Variants in TRAPPC9 observed in about 807,000 individuals in gnomAD.
TRAPPC9 encodes the protein IKK2 binding protein.
A neutral mutation model predicts 124.0 loss-of-function variants in TRAPPC9; 83 were observed. The observed-to-expected ratio is 0.67, with a 90% CI of 0.56 to 0.80. TRAPPC9 has a LOEUF of 0.80. TRAPPC9 is among the 30% of genes least tolerant of loss of function. The pLI is 0.00. For synonymous variants in TRAPPC9, 638 were observed against 617.5 expected (o/e 1.03, Z -0.49); for missense variants, 1,302 against 1,508.3 (o/e 0.86, Z 2.27).
chr8:140,060,104 T>C (rs535957698), intron 17 of TRAPPC9, among the ~76,000 whole-genome samples: 4 of 152,208 alleles, frequency 2.6e-5, no homozygotes, highest in Non-Finnish European at 5.9e-5. Context: ...GGTCTCCTTT[T>C]GATTGGCAGT....
At chr8:139,836,225 T>A (rs1826338824) in intron 21 of TRAPPC9, among the ~76,000 whole-genome samples, 1 of 152,258 alleles carries the variant, frequency 6.6e-6, no homozygotes, top group Non-Finnish European at 1.5e-5. Flanking sequence ...GCCAAGCTGG[T>A]CTCGAATTCC....
At chr8:139,845,174 TG>T (rs1470437296) in intron 21 of TRAPPC9, among the ~76,000 whole-genome samples, 1 of 152,218 alleles carries the variant, frequency 6.6e-6, no homozygotes, top group East Asian at 1.9e-4. Flanking sequence ...ACTGGTTATA[TG>T]GTTGTATGAC....
At chr8:139,864,304 T>C (rs1007511006) in intron 21 of TRAPPC9, among the ~76,000 whole-genome samples, 2 of 152,124 alleles carry the variant, frequency 1.3e-5, no homozygotes, top group African/African-American at 4.8e-5. Context: ...TCCTTCAATG[T>C]GAGGGTTTGG....
chr8:140,248,803 GAAGA>G (rs2064049167), intron 16 of TRAPPC9, among the ~76,000 whole-genome samples: 1 of 152,176 alleles, frequency 6.6e-6, no homozygotes. Flanking sequence ...GTTATATGAA[GAAGA>G]TAGATATCTG....
At chr8:139,923,836 T>G (rs1466985851) in intron 19 of TRAPPC9, among the ~76,000 whole-genome samples, 1 of 152,224 alleles carries the variant, frequency 6.6e-6, no homozygotes, top group Non-Finnish European at 1.5e-5. Flanking sequence ...GCCCCCATTT[T>G]GTTAACAAAA....
intron 15 of TRAPPC9, among the ~76,000 whole-genome samples, chr8:140,267,182 A>G (rs1376654201): frequency 6.6e-6 from 1 of 152,204 alleles, no homozygotes; most frequent in Non-Finnish European, 1.5e-5. Flanking sequence ...CAGAGACTAG[A>G]GGGGGCCCCT....
intron 19 of TRAPPC9, chr8:139,932,750 T>C (rs1833268651): frequency 2.9e-6 from 1 of 349,320 alleles, no homozygotes; most frequent in African/African-American, 2.2e-5. Flanking sequence ...GGCAACAGAA[T>C]GAGACTGTGT....
intron 20 of TRAPPC9, among the ~76,000 whole-genome samples, chr8:139,897,391 T>C (rs1048304165): frequency 2.0e-5 from 3 of 152,216 alleles, no homozygotes; most frequent in Non-Finnish European, 4.4e-5. Context: ...CCCAACTGCT[T>C]AGCTTCTTGG....
intron 16 of TRAPPC9, among the ~76,000 whole-genome samples, chr8:140,221,786 C>T (rs993982907): frequency 6.6e-6 from 1 of 152,116 alleles, no homozygotes; most frequent in South Asian, 2.1e-4. Flanking sequence ...TAAAGGCGTG[C>T]GCCACCACAC....
chr8:140,391,814 G>A (rs1285209284), intron 7 of TRAPPC9, among the ~76,000 whole-genome samples: 1 of 151,870 alleles, frequency 6.6e-6, no homozygotes, highest in East Asian at 1.9e-4. Context: ...ATCACCTGAG[G>A]TCAGGAGTTT....
chr8:139,988,594 C>T (rs545284577), intron 19 of TRAPPC9, 132 bp downstream of exon 19: 35 of 688,030 alleles, frequency 5.1e-5, no homozygotes, highest in East Asian at 3.0e-4. Flanking sequence ...ATAGTCACTA[C>T]GGTATCTCTG....
rs560478917 is a variant in TRAPPC9 at position 140,351,237 on chromosome 8, C to G, written c.1495+8813G>C. On this transcript the variant is annotated intron_variant, in intron 9 of 22. Coordinates refer to ENST00000438773, the MANE Select transcript of TRAPPC9 (RefSeq NM_001160372.4). ...TTCTCCCCGCACCCCTCCAGCCCCCCACGCTGCCTGCCCCTAGAGACAAAG... is the reference window on the plus strand; with the variant it reads ...TTCTCCCCGCACCCCTCCAGCCCCCGACGCTGCCTGCCCCTAGAGACAAAG... Among the ~76,000 whole-genome samples the G allele has an allele frequency of 2.9e-4, 38 of 132,552 alleles. 1 individual carries two copies. The highest frequency in any genetic ancestry group is 1.4e-3 in the South Asian group (5 of 3,656). 87.0% of individuals were successfully genotyped at this position (132,552 alleles called of 152,430 possible). A position where few individuals can be genotyped will look rare whatever the true frequency, so the allele number is the denominator to read the frequency against.
intron 17 of TRAPPC9, among the ~76,000 whole-genome samples, chr8:140,089,817 C>T (rs1022703596): frequency 1.3e-5 from 2 of 151,948 alleles, no homozygotes; most frequent in Admixed American, 6.5e-5. Flanking sequence ...TGGTGGCTCA[C>T]ACCTGTAATC....
At chr8:139,947,920 A>AGAGAGAGAGAGAGAGG (rs1359235687) in intron 19 of TRAPPC9, among the ~76,000 whole-genome samples, 1 of 58,786 alleles carries the variant, frequency 1.7e-5, no homozygotes, top group Non-Finnish European at 3.5e-5. Context: ...AGAGAGAGAG[A>AGAGAGAGAGAGAGAGG]GAGCGAGAGA....
chr8:140,210,207 G>A (rs377755990), intron 17 of TRAPPC9, among the ~76,000 whole-genome samples: 13 of 152,184 alleles, frequency 8.5e-5, no homozygotes, highest in East Asian at 1.9e-4. Context: ...GCCCAGGGCC[G>A]AGCCTGCCTC....
intron 21 of TRAPPC9, among the ~76,000 whole-genome samples, chr8:139,773,744 G>A (rs189119167): frequency 3.3e-5 from 5 of 152,306 alleles, no homozygotes; most frequent in Middle Eastern, 3.4e-3. Context: ...CTGTGTGTGC[G>A]GAACCTTTGC....
At chr8:139,939,490 C>T (rs1405261703) in intron 19 of TRAPPC9, among the ~76,000 whole-genome samples, 3 of 152,160 alleles carry the variant, frequency 2.0e-5, no homozygotes, top group Admixed American at 6.5e-5. Context: ...AGACCCTCAG[C>T]CCACCCTCCC....
chr8:140,455,659 G>C (rs956691565), intron 1 of TRAPPC9, among the ~76,000 whole-genome samples: 13 of 150,016 alleles, frequency 8.7e-5, no homozygotes, highest in Admixed American at 7.3e-4. Flanking sequence ...TCGATCTCTT[G>C]ACCTCGTGAT....
chr8:140,278,855 A>C (rs551580000), intron 14 of TRAPPC9, among the ~76,000 whole-genome samples: 61 of 152,342 alleles, frequency 4.0e-4, no homozygotes, highest in African/African-American at 1.4e-3. Context: ...TCCTCGGCAG[A>C]GGCCTTTCCT....
Sources: allele counts gnomAD v4.1 joint callset (sites outside exome capture counted in the v4.1 genomes callset), GRCh38; gene constraint gnomAD v4.1.1; transcripts MANE v1.5; gene names NCBI Gene and HGNC (gene_info 2026-07-23, HGNC 2026-07-21).